Variants in CCDC34 observed in about 807,000 individuals in gnomAD.
The protein encoded by CCDC34 is coiled-coil domain-containing protein 34.
A neutral mutation model predicts 44.1 loss-of-function variants in CCDC34; 40 were observed. That is an observed-to-expected ratio of 0.91 (90% CI 0.70 to 1.18). The LOEUF is 1.18. CCDC34 is among the 50% of genes most tolerant of loss of function. The probability of loss-of-function intolerance (pLI) is 0.00; values close to 1 mark genes in which losing one functional copy is unlikely to be tolerated. For missense variants in CCDC34, 466 were observed against 452.3 expected (o/e 1.03, Z -0.28); for synonymous variants, 159 against 158.2 (o/e 1.01, Z -0.04).
intron 2 of CCDC34, among the ~76,000 whole-genome samples, chr11:27,353,829 A>G (rs774302457): frequency 9.2e-5 from 14 of 152,190 alleles, no homozygotes; most frequent in Non-Finnish European, 2.1e-4. Flanking sequence ...TCTAAAATAC[A>G]TCTTGATATT....
intron 1 of CCDC34, 120 bp from the exon 2 acceptor site, chr11:27,357,661 A>T: frequency 1.3e-6 from 1 of 773,150 alleles, no homozygotes; most frequent in Non-Finnish European, 2.0e-6. Flanking sequence ...TGTGATTTTT[A>T]CAAATATACA....
chr11:27,340,749 T>C lies in CCDC34; in HGVS notation c.854A>G (p.His285Arg), dbSNP rs769717642. ...KFQEWLENAKHKPRPAAKSYG... is the reference protein window; with the variant it reads ...KFQEWLENAKRKPRPAAKSYG... ...GCTCTTTGCAGCTGGACGAGGTTTA[T>C]GTTTCGCATTTTCCAACCATTCTTG... The change falls in exon 5 of 6, where the codon CAT (histidine) becomes CGT (arginine). Residue 285 changes from histidine (H) to arginine (R), a missense_variant. By Grantham distance (29) the His-to-Arg change is conservative. Transcript: ENST00000328697. 1.2e-6 allele frequency: 2 copies of C among 1,614,040 alleles called. No homozygotes were observed. The highest frequency in any genetic ancestry group is 1.7e-6 in the Non-Finnish European group (2 of 1,179,940).
At chr11:27,355,451 GAAGT>G (rs1227402574) in intron 2 of CCDC34, among the ~76,000 whole-genome samples, 2 of 152,098 alleles carry the variant, frequency 1.3e-5, no homozygotes, top group African/African-American at 4.8e-5. Flanking sequence ...TGAGGTAAGA[GAAGT>G]AAGTCTGGGA....
At chr11:27,339,646 A>T (rs932350227) in intron 5 of CCDC34, among the ~76,000 whole-genome samples, 2 of 152,220 alleles carry the variant, frequency 1.3e-5, no homozygotes, top group African/African-American at 4.8e-5. Context: ...CATTTTACAT[A>T]TCATCTCCAA....
Position 27,363,080 on chromosome 11 carries a change from C to T in CCDC34, c.115G>A (p.Gly39Ser), listed in dbSNP as rs190741464. ...ACCTCCAGCCCCTGCCCACGTGCGC[C>T]CGTCATAGGGACTGAGCAGGAGTCC... The part of the protein sequence containing the change: ...SSDSCSVPMT[G>S]ARGQGLEVVR... The change falls in exon 1 of 6, where the codon GGC (glycine) becomes AGC (serine). Residue 39 changes from glycine (G) to serine (S), a missense_variant. Coordinates refer to ENST00000328697, the MANE Select transcript of CCDC34 (RefSeq NM_030771.2). 3 of 1,611,676 alleles carry T rather than the reference C, an allele frequency of 1.9e-6. No homozygotes were observed. The highest frequency in any genetic ancestry group is 2.7e-5 in the African/African-American group (2 of 75,026).
intron 3 of CCDC34, among the ~76,000 whole-genome samples, chr11:27,345,653 T>C (rs11029962): frequency 0.28 from 41,832 of 151,880 alleles, 6,303 homozygotes; most frequent in Non-Finnish European, 0.35. Flanking sequence ...CCATGGTGTA[T>C]ATGTGCCACA....
intron 4 of CCDC34, 137 bp downstream of exon 4, chr11:27,341,255 G>T: frequency 1.8e-6 from 1 of 544,816 alleles, no homozygotes; most frequent in Non-Finnish European, 3.2e-6. Flanking sequence ...TTTAAACACA[G>T]CGTAACAGGA....
At position 27,338,963 on chromosome 11, in the gene CCDC34, G is replaced by A. The variant is rs761490792; in HGVS notation, c.980C>T (p.Pro327Leu). 9.3e-6 allele frequency: 15 copies of A among 1,613,814 alleles called. No homozygotes were observed. Among genetic ancestry groups the A allele is most frequent in the Non-Finnish European group, 1.3e-5 (15 of 1,179,892 alleles). ...NPIPWKPIHM[P>L]PPKEAKDLSG... The stretch of plus-strand genomic sequence containing the variant: ...TAGATCCTTAGCTTCTTTGGGAGGT[G>A]GCATATGAATTGGTTTCCACGGAAT... Residue 327 changes from proline to leucine, a missense_variant, in exon 6 of 6, where the codon CCA becomes CTA. Transcript: ENST00000328697.
At chr11:27,357,785 T>C (rs1226723158) in intron 1 of CCDC34, among the ~76,000 whole-genome samples, 1 of 152,214 alleles carries the variant, frequency 6.6e-6, no homozygotes, top group African/African-American at 2.4e-5. Flanking sequence ...CCACGTTATT[T>C]AAAACCCCAT....
rs771870900 is a variant in CCDC34, at chr11:27,357,559, C to T, written c.360-18G>A. On this transcript the variant is annotated intron_variant, in intron 1 of 5. Coordinates refer to ENST00000328697, the MANE Select transcript of CCDC34 (RefSeq NM_030771.2). ...CCTGAGTGCTACAAAAGAGAGGCTA[C>T]TATAGTACTTGTACAAGAACCTCTT... is the stretch of plus-strand genomic sequence containing the variant. 1.3e-4 allele frequency: 210 copies of T among 1,608,030 alleles called. No individual in the cohort carries two copies. The highest frequency in any genetic ancestry group is 1.7e-4 in the Non-Finnish European group (203 of 1,176,850).
At chr11:27,359,002 C>T (rs951384052) in intron 1 of CCDC34, among the ~76,000 whole-genome samples, 1 of 139,316 alleles carries the variant, frequency 7.2e-6, no homozygotes, top group Admixed American at 7.7e-5. Flanking sequence ...CACATGATCA[C>T]CTAGTCATGT....
chr11:27,355,015 G>GT (rs1862555297), intron 2 of CCDC34, among the ~76,000 whole-genome samples: 1 of 152,126 alleles, frequency 6.6e-6, no homozygotes, highest in African/African-American at 2.4e-5. Context: ...TTTCAGCCTT[G>GT]TTCTGTGTGA....
Position 27,338,604 on chromosome 11 carries a change from C to A in CCDC34, c.*217G>T. ...ATTCTTACATATTCAGCCACTTATTCTGCAAAACAACATGCCAAGATCAAC... is the reference window on the plus strand; with the variant it reads ...ATTCTTACATATTCAGCCACTTATTATGCAAAACAACATGCCAAGATCAAC... On this transcript the variant is annotated 3_prime_UTR_variant, in exon 6 of 6. Transcript: ENST00000328697. The A allele has an allele frequency of 2.0e-6, 1 of 498,934 alleles. No individual in the cohort carries two copies. 30.9% of individuals were successfully genotyped at this position (498,934 alleles called of 1,614,324 possible). A position where few individuals can be genotyped will look rare whatever the true frequency, so the allele number is the denominator to read the frequency against.
chr11:27,350,487 A>G, intron 2 of CCDC34, 48 bp from the exon 3 acceptor site: 1 of 1,495,710 alleles, frequency 6.7e-7, no homozygotes. Flanking sequence ...GAAGTACCCA[A>G]ATAACATACA....
chr11:27,350,107 A>G, intron 3 of CCDC34: 1 of 1,384,120 alleles, frequency 7.2e-7, no homozygotes, highest in East Asian at 2.6e-5. Context: ...GACTGCCTGC[A>G]GGCAAATATT....
rs958541064 is a variant in CCDC34 at position 27,348,878 on chromosome 11, C to T, written c.606+1454G>A. On this transcript the variant is annotated intron_variant, in intron 3 of 5. Transcript: ENST00000328697. Reference sequence around the variant, plus strand: ...AGTTCTGCAGAACAGGTAAATATAACGTCTCAGTTTTATTTTTAAATAATT... The same window carrying T: ...AGTTCTGCAGAACAGGTAAATATAATGTCTCAGTTTTATTTTTAAATAATT... The T allele has an allele frequency of 3.0e-5, 29 of 973,364 alleles. No homozygotes were observed. The East Asian group carries it at 4.6e-4, about 15-fold the overall frequency. 60.3% of individuals were successfully genotyped at this position (973,364 alleles called of 1,614,324 possible).
At chr11:27,353,083 C>T (rs1341479520) in intron 2 of CCDC34, among the ~76,000 whole-genome samples, 8 of 152,092 alleles carry the variant, frequency 5.3e-5, no homozygotes, top group African/African-American at 1.7e-4. Flanking sequence ...AATATTTTCC[C>T]GTGGAATACA....
intron 2 of CCDC34, among the ~76,000 whole-genome samples, chr11:27,352,586 CA>C (rs1862518537): frequency 6.6e-6 from 1 of 151,844 alleles, no homozygotes; most frequent in Non-Finnish European, 1.5e-5. Flanking sequence ...AACTACATAT[CA>C]AAAATTTTCC....
chr11:27,345,256 C>A (rs79818697), intron 3 of CCDC34, among the ~76,000 whole-genome samples: 9,355 of 152,106 alleles, frequency 0.062, 372 homozygotes, highest in African/African-American at 0.069. Context: ...AGTATTTTTA[C>A]CCTCTTGTGG....
Sources: allele counts gnomAD v4.1 joint callset (sites outside exome capture counted in the v4.1 genomes callset), GRCh38; gene constraint gnomAD v4.1.1; transcripts MANE v1.5; gene names NCBI Gene and HGNC (gene_info 2026-07-23, HGNC 2026-07-21).